Variants in TTI2 observed in about 807,000 individuals in gnomAD.
TTI2 encodes TELO2-interacting protein 2.
A neutral mutation model predicts 44.9 loss-of-function variants in TTI2; 26 were observed. The ratio of observed to expected loss-of-function variants is 0.58; its 90% CI spans 0.42 to 0.80. TTI2 has a LOEUF of 0.80. Ranked by LOEUF, TTI2 falls within the 30% of genes least tolerant of loss-of-function variation. The pLI is 0.00. For missense variants in TTI2, 582 were observed against 611.6 expected (o/e 0.95, Z 0.51); for synonymous variants, 254 against 250.9 (o/e 1.01, Z -0.12).
At chr8:33,500,801 C>G (rs1439033118) in intron 6 of TTI2, 3 of 300,110 alleles carry the variant, frequency 1.0e-5, no homozygotes, top group Non-Finnish European at 1.9e-5. Flanking sequence ...AGGATCTCCC[C>G]AACCAAGGGC....
At position 33,501,980 on chromosome 8, in the gene TTI2, G is replaced by A. The variant is rs530828285; in HGVS notation, c.1259+1449C>T. On this transcript the variant is annotated intron_variant, in intron 6 of 7. Coordinates refer to ENST00000431156, the MANE Select transcript of TTI2 (RefSeq NM_001102401.4). ...ATATTTTGAGACAGAGTCTCGCTCCGTCACCCAGTCTGGAGTGCAGTGGTT... is the reference window on the plus strand; with the variant it reads ...ATATTTTGAGACAGAGTCTCGCTCCATCACCCAGTCTGGAGTGCAGTGGTT... Among the ~76,000 whole-genome samples, 264 of 151,804 alleles carry A rather than the reference G, an allele frequency of 1.7e-3. 2 individuals are homozygous for A. The highest frequency in any genetic ancestry group is 6.2e-3 in the African/African-American group (255 of 41,354).
intron 3 of TTI2, among the ~76,000 whole-genome samples, chr8:33,508,161 A>G (rs7835866): frequency 0.53 from 75,750 of 144,112 alleles, 20,464 homozygotes; most frequent in Non-Finnish European, 0.59. Flanking sequence ...GTATAAAAGC[A>G]TATTGCTTTG....
chr8:33,507,368 T>G (rs1461567229), intron 3 of TTI2, 47 bp from the exon 4 acceptor site: 1 of 1,528,540 alleles, frequency 6.5e-7, no homozygotes, highest in Non-Finnish European at 9.0e-7. Flanking sequence ...TTCCCAAGAT[T>G]GGCACATGTT....
chr8:33,505,381 TTTAC>T (rs1363441116), intron 4 of TTI2, among the ~76,000 whole-genome samples: 2 of 152,148 alleles, frequency 1.3e-5, no homozygotes, highest in East Asian at 3.8e-4. Context: ...CTAAGAAACT[TTTAC>T]TTATTCATCC....
intron 3 of TTI2, among the ~76,000 whole-genome samples, chr8:33,508,464 A>G (rs1301792259): frequency 6.6e-6 from 1 of 151,970 alleles, no homozygotes; most frequent in Non-Finnish European, 1.5e-5. Context: ...AAGAAAAAGT[A>G]GCTGAGCATG....
chr8:33,500,643 G>T, intron 6 of TTI2, 153 bp from the exon 7 acceptor site: 1 of 924,844 alleles, frequency 1.1e-6, no homozygotes, highest in Non-Finnish European at 1.6e-6. Flanking sequence ...CAGAACCAAA[G>T]ACAGCCTCTA....
chr8:33,509,362 C>A lies in TTI2; in HGVS notation c.834+384G>T, dbSNP rs534575941. Among the ~76,000 whole-genome samples, 4 of 144,192 alleles carry A rather than the reference C, an allele frequency of 2.8e-5. No homozygotes were observed. The South Asian group carries it at 6.7e-4, about 24-fold the overall frequency. The allele number at this position is 144,192 out of a possible 152,430, so 94.6% of individuals were successfully genotyped here. A position where few individuals can be genotyped will look rare whatever the true frequency, so the allele number is the denominator to read the frequency against. On this transcript the variant is annotated intron_variant, in intron 3 of 7. Coordinates refer to ENST00000431156, the MANE Select transcript of TTI2 (RefSeq NM_001102401.4). ...ATCCCAGCTACTCGGGAGGCAGAGG[C>A]GGAGAATTGCTTAAACCTAAGAGGT... is the stretch of plus-strand genomic sequence containing the variant.
intron 2 of TTI2, among the ~76,000 whole-genome samples, chr8:33,511,206 C>G (rs987287725): frequency 6.6e-6 from 1 of 151,926 alleles, no homozygotes; most frequent in African/African-American, 2.4e-5. Context: ...CCATGCCCAG[C>G]TAATTTTTGT....
intron 4 of TTI2, among the ~76,000 whole-genome samples, chr8:33,506,147 T>C (rs1444581653): frequency 6.6e-6 from 1 of 152,200 alleles, no homozygotes; most frequent in Non-Finnish European, 1.5e-5. Context: ...TATATATATG[T>C]AGACATCTAA....
intron 4 of TTI2, among the ~76,000 whole-genome samples, chr8:33,505,788 T>G (rs945735627): frequency 2.0e-5 from 3 of 152,058 alleles, no homozygotes; most frequent in Non-Finnish European, 2.9e-5. Flanking sequence ...CGAGTAGCTG[T>G]GACTACAGAC....
rs200352628 is a variant in TTI2, at chr8:33,512,187, G to A, written c.427C>T (p.Leu143=). Residue 143 remains leucine (L), a synonymous_variant, in exon 2 of 8, where the codon CTG becomes TTG. Transcript: ENST00000431156. The stretch of plus-strand genomic sequence containing the variant: ...TAAACGGGTCCTGCCAAGTGATGCA[G>A]GCCCGTCTGCCATGCAGGGCCGACC... The part of the protein sequence containing the change: ...SLVGPAWQTG[L]HHLAGPVYIF... 5.0e-6 allele frequency: 8 copies of A among 1,614,198 alleles called. No homozygotes were observed. In the East Asian group the frequency reaches 1.8e-4, roughly 36 times the overall value.
chr8:33,502,945 T>C (rs1207488619), intron 6 of TTI2, among the ~76,000 whole-genome samples: 1 of 151,206 alleles, frequency 6.6e-6, no homozygotes, highest in Non-Finnish European at 1.5e-5. Flanking sequence ...CTGGCCAACA[T>C]AGTGAAACCC....
At chr8:33,507,935 G>A (rs1191808602) in intron 3 of TTI2, among the ~76,000 whole-genome samples, 1 of 147,458 alleles carries the variant, frequency 6.8e-6, no homozygotes, top group Non-Finnish European at 1.5e-5. Context: ...GCTGCAGTGA[G>A]CTATGATTGT....
Position 33,502,234 on chromosome 8 carries a change from G to A in TTI2, c.1259+1195C>T, listed in dbSNP as rs144866318. ...GCTGGGATTACAGGCGTGAGCCACC[G>A]CACCTGGCCTCTAGATTGGTATTCT... is the stretch of plus-strand genomic sequence containing the variant. On this transcript the variant is annotated intron_variant, in intron 6 of 7. Coordinates refer to ENST00000431156, the MANE Select transcript of TTI2 (RefSeq NM_001102401.4). 6.9e-3 allele frequency among the ~76,000 whole-genome samples: 1,045 copies of A among 152,106 alleles called. 18 individuals are homozygous for A. Among genetic ancestry groups the A allele is most frequent in the African/African-American group, 0.024 (995 of 41,494 alleles).
chr8:33,508,472 A>C (rs939246603), intron 3 of TTI2, among the ~76,000 whole-genome samples: 1 of 152,004 alleles, frequency 6.6e-6, no homozygotes, highest in African/African-American at 2.4e-5. Flanking sequence ...GTAGCTGAGC[A>C]TGGTGGTGCG....
At chr8:33,502,249 A>G (rs1187203840) in intron 6 of TTI2, among the ~76,000 whole-genome samples, 1 of 152,006 alleles carries the variant, frequency 6.6e-6, no homozygotes, top group Non-Finnish European at 1.5e-5. Context: ...TGGCCTCTAG[A>G]TTGGTATTCT....
chr8:33,500,232 A>C, intron 7 of TTI2, 96 bp downstream of exon 7: 1 of 1,438,312 alleles, frequency 7.0e-7, no homozygotes, highest in Non-Finnish European at 9.7e-7. Flanking sequence ...TCATTTCCAG[A>C]CTTGGTCAGG....
intron 4 of TTI2, among the ~76,000 whole-genome samples, chr8:33,505,897 C>T (rs1310168834): frequency 1.3e-5 from 2 of 152,164 alleles, no homozygotes; most frequent in Non-Finnish European, 2.9e-5. Flanking sequence ...TCGTGATCCG[C>T]CCACCTCAGC....
chr8:33,505,409 G>C (rs1027211503), intron 4 of TTI2, among the ~76,000 whole-genome samples: 5 of 151,512 alleles, frequency 3.3e-5, no homozygotes, highest in African/African-American at 1.2e-4. Flanking sequence ...ATAAAGCTAA[G>C]TATCACCTCC....
Sources: allele counts gnomAD v4.1 joint callset (sites outside exome capture counted in the v4.1 genomes callset), GRCh38; gene constraint gnomAD v4.1.1; transcripts MANE v1.5; gene names NCBI Gene and HGNC (gene_info 2026-07-23, HGNC 2026-07-21).